LPGAT1: variants seen among roughly 807,000 people sequenced by gnomAD.
The protein encoded by LPGAT1 is lysophosphatidylglycerol acyltransferase 1.
A neutral mutation model predicts 47.5 loss-of-function variants in LPGAT1; 11 were observed. The observed-to-expected ratio is 0.23, with a 90% CI of 0.15 to 0.38. LPGAT1 has a LOEUF of 0.38. Among genes scored for constraint, LPGAT1 ranks in the 10% least tolerant of loss-of-function variants. The probability of loss-of-function intolerance (pLI) is 1.00; values close to 1 mark genes in which losing one functional copy is unlikely to be tolerated. For synonymous variants in LPGAT1, 138 were observed against 144.2 expected, an observed-to-expected ratio of 0.96 and a Z score of 0.31; for missense variants, 293 against 439.0, an observed-to-expected ratio of 0.67 and a Z score of 2.97.
chr1:211,812,142 C>A (rs1046368846), intron 2 of LPGAT1, among the ~76,000 whole-genome samples: 8 of 152,206 alleles, frequency 5.3e-5, no homozygotes, highest in African/African-American at 1.9e-4. Context: ...TTTCTTCTCA[C>A]TAGAAGCATT....
At chr1:211,821,752 G>A (rs1322899561) in intron 2 of LPGAT1, among the ~76,000 whole-genome samples, 1 of 152,130 alleles carries the variant, frequency 6.6e-6, no homozygotes, top group Non-Finnish European at 1.5e-5. Flanking sequence ...GGTCATAGAA[G>A]AGAATGAATG....
rs191243344 is a variant in LPGAT1, at chr1:211,758,951, T to C, written c.855-7884A>G. On this transcript the variant is annotated intron_variant, in intron 6 of 7. Coordinates refer to ENST00000366997, the MANE Select transcript of LPGAT1 (RefSeq NM_014873.3). ...ATTTTATTAAGAATTTTTTTATCGA[T>C]TGAAATGGGTATGTAATTTTCCCCT... Among the ~76,000 whole-genome samples, 303 of 152,308 alleles carry C rather than the reference T, an allele frequency of 2.0e-3. 1 individual carries two copies. The highest frequency in any genetic ancestry group is 7.1e-3 in the African/African-American group (294 of 41,578).
intron 6 of LPGAT1, among the ~76,000 whole-genome samples, chr1:211,755,711 AG>A (rs1203228832): frequency 1.3e-5 from 2 of 151,888 alleles, no homozygotes; most frequent in African/African-American, 4.8e-5. Flanking sequence ...AAAAAAAAAA[AG>A]AACTCACATG....
intron 6 of LPGAT1, among the ~76,000 whole-genome samples, chr1:211,765,488 GA>G (rs1208576701): frequency 6.6e-6 from 1 of 152,056 alleles, no homozygotes; most frequent in African/African-American, 2.4e-5. Flanking sequence ...AAAACCCTAG[GA>G]ATTTTTGTAT....
intron 6 of LPGAT1, among the ~76,000 whole-genome samples, chr1:211,774,192 T>C (rs372266654): frequency 5.6e-5 from 7 of 125,918 alleles, no homozygotes; most frequent in African/African-American, 2.1e-4. Context: ...TGGAGTACAG[T>C]GGCACAATCT....
At chr1:211,773,902 T>G (rs144606097) in intron 6 of LPGAT1, among the ~76,000 whole-genome samples, 1 of 152,154 alleles carries the variant, frequency 6.6e-6, no homozygotes, top group Non-Finnish European at 1.5e-5. Flanking sequence ...AGTTCAATAA[T>G]GTAGTTGTAT....
rs552151642 is a variant in LPGAT1 at position 211,829,476 on chromosome 1, A to C, written c.-27-153T>G. On this transcript the variant is annotated intron_variant, in intron 1 of 7. Coordinates refer to ENST00000366997, the MANE Select transcript of LPGAT1 (RefSeq NM_014873.3). ...TCGGTGATCTCTCAGGGGAAATTCC[A>C]GAGGGGGACAGAGAGCGAGGGAGGA... 2.8e-6 allele frequency: 4 copies of C among 1,438,046 alleles called. No individual in the cohort carries two copies. In the East Asian group the frequency reaches 1.0e-4, roughly 36 times the overall value. The allele number at this position is 1,438,046 out of a possible 1,614,324, so 89.1% of individuals were successfully genotyped here.
chr1:211,773,545 T>C (rs1209424635), intron 6 of LPGAT1, among the ~76,000 whole-genome samples: 1 of 152,218 alleles, frequency 6.6e-6, no homozygotes, highest in East Asian at 1.9e-4. Context: ...GTTATATCTT[T>C]TCTCAAGATT....
intron 5 of LPGAT1, among the ~76,000 whole-genome samples, chr1:211,781,677 T>C (rs778402337): frequency 1.3e-5 from 2 of 152,228 alleles, no homozygotes; most frequent in African/African-American, 2.4e-5. Flanking sequence ...GGGCCAATCA[T>C]TTCAATTCTT....
chr1:211,782,849 AG>A (rs768679031), intron 5 of LPGAT1, among the ~76,000 whole-genome samples: 4 of 152,232 alleles, frequency 2.6e-5, no homozygotes, highest in Non-Finnish European at 5.9e-5. Flanking sequence ...TGAAAAGATT[AG>A]TTTTTCAAAC....
intron 5 of LPGAT1, 68 bp downstream of exon 5, chr1:211,783,161 A>G: frequency 7.5e-7 from 1 of 1,339,734 alleles, no homozygotes; most frequent in Non-Finnish European, 1.0e-6. Context: ...AAGAACAATG[A>G]TCATCTTCTG....
At chr1:211,787,815 C>G (rs1470521759) in intron 3 of LPGAT1, 88 bp from the exon 4 acceptor site, 5 of 763,614 alleles carry the variant, frequency 6.5e-6, no homozygotes, top group Non-Finnish European at 1.1e-5. Flanking sequence ...ATATAATCAT[C>G]CAAGCATACT....
intron 6 of LPGAT1, among the ~76,000 whole-genome samples, chr1:211,771,657 C>T (rs1383762403): frequency 6.6e-6 from 1 of 152,010 alleles, no homozygotes; most frequent in African/African-American, 2.4e-5. Flanking sequence ...GCGCTCACCA[C>T]CATACCAGCT....
At position 211,787,622 on chromosome 1, in the gene LPGAT1, C is replaced by A; in HGVS notation, c.453+10G>T. 1 of 1,483,664 alleles carries A rather than the reference C, an allele frequency of 6.7e-7. No homozygotes were observed. The highest frequency in any genetic ancestry group is 1.2e-5 in the South Asian group (1 of 84,240). The allele number at this position is 1,483,664 out of a possible 1,614,324, so 91.9% of individuals were successfully genotyped here. ...GCTATCACTGCGGGGAAAAAGTGCT[C>A]ATTACTTACCTGTCTTATAAAGAAG... is the stretch of plus-strand genomic sequence containing the variant. On this transcript the variant is annotated intron_variant, in intron 4 of 7. Transcript: ENST00000366997.
chr1:211,813,197 T>C (rs941563203), intron 2 of LPGAT1, among the ~76,000 whole-genome samples: 1 of 152,236 alleles, frequency 6.6e-6, no homozygotes, highest in Non-Finnish European at 1.5e-5. Flanking sequence ...TGAATATAAC[T>C]CAATATTCAT....
At chr1:211,797,978 C>T (rs1659415013) in intron 2 of LPGAT1, among the ~76,000 whole-genome samples, 1 of 152,094 alleles carries the variant, frequency 6.6e-6, no homozygotes, top group Non-Finnish European at 1.5e-5. Context: ...TACACACACA[C>T]ATTCTAACAT....
In LPGAT1 at chr1:211,829,219, G is replaced by A; in HGVS notation, c.78C>T (p.Val26=). ...ATGGAATAGCAACCAGGTTGTTGAC[G>A]ACCATGAAGGCAAACCTCATCAGTG... is the stretch of plus-strand genomic sequence containing the variant. The part of the protein sequence containing the change: ...VKALMRFAFM[V]VNNLVAIPSY... The change falls in exon 2 of 8, where the codon GTC becomes GTT. Residue 26 remains valine, a synonymous_variant. Transcript: ENST00000366997. The A allele has an allele frequency of 6.2e-7, 1 of 1,614,128 alleles. No individual in the cohort carries two copies. Among genetic ancestry groups the A allele is most frequent in the South Asian group, 1.1e-5 (1 of 91,076 alleles).
chr1:211,770,487 C>G (rs753654298), intron 6 of LPGAT1, among the ~76,000 whole-genome samples: 1 of 152,292 alleles, frequency 6.6e-6, no homozygotes, highest in Non-Finnish European at 1.5e-5. Flanking sequence ...AACCATTGAG[C>G]TGTTTACATA....
At chr1:211,824,993 G>GC (rs923301456) in intron 2 of LPGAT1, among the ~76,000 whole-genome samples, 30 of 151,754 alleles carry the variant, frequency 2.0e-4, no homozygotes, top group African/African-American at 5.3e-4. Context: ...TTTCCCTAAA[G>GC]CCCCCCCCAA....
Sources: gnomAD v4.1 joint callset for allele counts (sites outside exome capture counted in the v4.1 genomes callset) on GRCh38, gnomAD v4.1.1 for gene constraint, MANE v1.5 for transcripts, NCBI Gene and HGNC (gene_info 2026-07-23, HGNC 2026-07-21) for gene names.